The following GATAD2B variants were observed in gnomAD, a reference collection of about 807,000 sequenced individuals.
GATAD2B encodes the protein transcriptional repressor p66-beta.
GATAD2B carries 8 observed loss-of-function variants against 64.3 expected under a neutral mutation model. That is an observed-to-expected ratio of 0.12 (90% CI 0.07 to 0.22). The LOEUF (loss-of-function observed/expected upper bound fraction) is 0.22, where lower values mean the gene tolerates loss of function less well. Ranked by LOEUF, GATAD2B falls within the 10% of genes least tolerant of loss-of-function variation. GATAD2B has a pLI of 1.00. For missense variants in GATAD2B, 453 were observed against 752.0 expected (o/e 0.60, Z 4.65); for synonymous variants, 281 against 271.3 (o/e 1.04, Z -0.35).
At chr1:153,856,770 G>C (rs1254601454) in intron 1 of GATAD2B, among the ~76,000 whole-genome samples, 2 of 151,822 alleles carry the variant, frequency 1.3e-5, no homozygotes, top group Admixed American at 6.6e-5. Context: ...CCAAAAAAAA[G>C]AAAGAAAGAA....
intron 1 of GATAD2B, among the ~76,000 whole-genome samples, chr1:153,842,255 T>C (rs1675523312): frequency 6.6e-6 from 1 of 152,244 alleles, no homozygotes; most frequent in Non-Finnish European, 1.5e-5. Flanking sequence ...TTATTTGCCA[T>C]CTGTAATTCT....
Position 153,816,613 on chromosome 1 carries a change from A to C in GATAD2B, c.901-25T>G. The C allele has an allele frequency of 6.5e-7, 1 of 1,541,690 alleles. No homozygotes were observed. The highest frequency in any genetic ancestry group is 1.1e-5 in the South Asian group (1 of 89,364). On this transcript the variant is annotated intron_variant, in intron 6 of 10. Coordinates refer to ENST00000368655, the MANE Select transcript of GATAD2B (RefSeq NM_020699.4). The surrounding 1 kb of genome is among the most constrained non-coding windows in gnomAD (Gnocchi z 4.9). ...GCTGAAATAGATTGAGAATGCGGTCAATCATGGTATGCAGGAGAAAGGGCC... is the reference window on the plus strand; with the variant it reads ...GCTGAAATAGATTGAGAATGCGGTCCATCATGGTATGCAGGAGAAAGGGCC...
At chr1:153,852,527 G>GT (rs1675937424) in intron 1 of GATAD2B, 1 of 766,050 alleles carries the variant, frequency 1.3e-6, no homozygotes, top group Admixed American at 1.7e-5. Flanking sequence ...CAGTATCATC[G>GT]TATCCAATAT....
chr1:153,879,686 C>T (rs1676949601), intron 1 of GATAD2B, among the ~76,000 whole-genome samples: 2 of 151,244 alleles, frequency 1.3e-5, no homozygotes, highest in South Asian at 4.2e-4. Context: ...TCGCTTGAAC[C>T]CAGGAGTCGG....
intron 1 of GATAD2B, among the ~76,000 whole-genome samples, chr1:153,865,165 T>A (rs1419665334): frequency 6.7e-6 from 1 of 150,016 alleles, no homozygotes; most frequent in Non-Finnish European, 1.5e-5. Context: ...GATTAAAATC[T>A]ACGTCTAATT....
chr1:153,813,286 C>T lies in GATAD2B; in HGVS notation c.1383G>A (p.Leu461=). 1.2e-6 allele frequency: 2 copies of T among 1,614,142 alleles called. No homozygotes were observed. Among genetic ancestry groups the T allele is most frequent in the Middle Eastern group, 1.6e-4 (1 of 6,062 alleles). The change falls in exon 8 of 11, where the codon CTG becomes CTA. Residue 461 remains leucine, a synonymous_variant. Transcript: ENST00000368655. ...KALKAEHTNR[L]KNAFVKALQQ... ...GTAGGGCTTTCACAAATGCATTTTT[C>T]AGCCGGTTGGTGTGTTCAGCTTTTA...
intron 1 of GATAD2B, among the ~76,000 whole-genome samples, chr1:153,908,554 C>T (rs1413056077): frequency 2.6e-5 from 4 of 151,492 alleles, no homozygotes; most frequent in Non-Finnish European, 2.9e-5. Context: ...TTGCAACCTC[C>T]GCCTCCCGGG....
At chr1:153,876,119 T>G (rs1676821106) in intron 1 of GATAD2B, among the ~76,000 whole-genome samples, 1 of 149,514 alleles carries the variant, frequency 6.7e-6, no homozygotes, top group Admixed American at 6.8e-5. Context: ...TCCCAGCTAC[T>G]CAGTAGGCTG....
At chr1:153,884,804 T>TG (rs1677128172) in intron 1 of GATAD2B, among the ~76,000 whole-genome samples, 1 of 152,034 alleles carries the variant, frequency 6.6e-6, no homozygotes, top group African/African-American at 2.4e-5. Flanking sequence ...GTTGCCCAGC[T>TG]GGAGTGCAAT....
chr1:153,885,224 G>A (rs1677142933), intron 1 of GATAD2B, among the ~76,000 whole-genome samples: 1 of 152,110 alleles, frequency 6.6e-6, no homozygotes, highest in Admixed American at 6.6e-5. Context: ...CAGTTCTCCA[G>A]GGTAACCATG....
rs1157204944 is a variant in GATAD2B, at chr1:153,817,515, T to C, written c.757A>G (p.Asn253Asp). The C allele has an allele frequency of 6.2e-7, 1 of 1,606,992 alleles. No homozygotes were observed. The highest frequency in any genetic ancestry group is 8.5e-7 in the Non-Finnish European group (1 of 1,177,390). Residue 253 changes from asparagine to aspartate, a missense_variant, in exon 6 of 11, where the codon AAT becomes GAT. By Grantham distance (23) the Asn-to-Asp change is conservative. Around this residue, in one of 2 missense-constraint regions of GATAD2B, gnomAD observed 293 missense variants for 417.2 expected, o/e 0.70. Coordinates refer to ENST00000368655, the MANE Select transcript of GATAD2B (RefSeq NM_020699.4). The part of the protein sequence containing the change: ...QGHSVIRSAT[N>D]TTLPHMLMSQ... ...ATCAACATGTGTGGAAGGGTGGTAT[T>C]GGTAGCTGAACGGATGACACTGTGA...
intron 1 of GATAD2B, among the ~76,000 whole-genome samples, chr1:153,910,560 T>G (rs779663374): frequency 1.3e-5 from 2 of 152,056 alleles, no homozygotes; most frequent in Admixed American, 6.6e-5. Context: ...GCCGACATGG[T>G]GAATCCCCAT....
chr1:153,893,994 T>C (rs910244945), intron 1 of GATAD2B, among the ~76,000 whole-genome samples: 7 of 140,888 alleles, frequency 5.0e-5, no homozygotes, highest in Admixed American at 3.6e-4. Flanking sequence ...CCAAAAAATG[T>C]CCCCATACTA....
intron 1 of GATAD2B, among the ~76,000 whole-genome samples, chr1:153,896,522 C>T (rs935080841): frequency 3.3e-5 from 5 of 151,444 alleles, no homozygotes; most frequent in African/African-American, 1.2e-4. Flanking sequence ...CCACAACCTC[C>T]ACCTCCCGGG....
chr1:153,842,794 AG>A (rs1265100772), intron 1 of GATAD2B, among the ~76,000 whole-genome samples: 5 of 151,816 alleles, frequency 3.3e-5, no homozygotes, highest in Non-Finnish European at 7.4e-5. Context: ...CTGGGATTAC[AG>A]GCGCCTGCCA....
chr1:153,810,569 C>T (rs995869835), intron 10 of GATAD2B, among the ~76,000 whole-genome samples: 4 of 152,150 alleles, frequency 2.6e-5, no homozygotes, highest in African/African-American at 9.7e-5. Context: ...ATTCTCCTGC[C>T]TCAGCCTCCA....
chr1:153,865,979 C>T (rs1676462720), intron 1 of GATAD2B, among the ~76,000 whole-genome samples: 2 of 151,946 alleles, frequency 1.3e-5, no homozygotes, highest in South Asian at 4.2e-4. Context: ...CTGAGGCGGA[C>T]GGATCATCTG....
chr1:153,889,757 T>C, intron 1 of GATAD2B: 1 of 289,062 alleles, frequency 3.5e-6, no homozygotes, highest in Non-Finnish European at 5.2e-6. Context: ...TAGTAATTTT[T>C]GAAGCTTGTG....
rs1678358512 is a variant in GATAD2B, at chr1:153,919,267, G to C, written c.-2+3466C>G. 2.6e-5 allele frequency among the ~76,000 whole-genome samples: 4 copies of C among 152,304 alleles called. No individual in the cohort carries two copies. The Middle Eastern group carries it at 0.01, about 389-fold the overall frequency. ...GATGGCAACCTAGGTAAATGGCAAA[G>C]GTAAGGGGGATTTTGTGAGAGACAG... On this transcript the variant is annotated intron_variant, in intron 1 of 10. Coordinates refer to ENST00000368655, the MANE Select transcript of GATAD2B (RefSeq NM_020699.4).
Sources: gnomAD v4.1 joint callset for allele counts (sites outside exome capture counted in the v4.1 genomes callset) on GRCh38, gnomAD v4.1.1 for gene constraint, gnomAD v4.1.1 regional missense constraint, Gnocchi (gnomAD v3.1) non-coding constraint, MANE v1.5 for transcripts, NCBI Gene and HGNC (gene_info 2026-07-23, HGNC 2026-07-21) for gene names.